The following RIMBP2 variants were observed in gnomAD, a reference collection of about 807,000 sequenced individuals.
RIMBP2 encodes RIMS-binding protein 2.
In RIMBP2, 48 loss-of-function variants were observed where a neutral mutation model predicts 118.6. The ratio of observed to expected loss-of-function variants is 0.40; its 90% CI spans 0.32 to 0.51. The LOEUF (loss-of-function observed/expected upper bound fraction) is 0.51, where lower values mean the gene tolerates loss of function less well. RIMBP2 is among the 20% of genes least tolerant of loss of function. The pLI is 0.41. For missense variants in RIMBP2, 1,551 were observed against 1,768.3 expected (o/e 0.88, Z 2.20); for synonymous variants, 762 against 742.9 (o/e 1.03, Z -0.42).
intron 9 of RIMBP2, among the ~76,000 whole-genome samples, chr12:130,448,991 G>A (rs538472937): frequency 8.5e-5 from 13 of 152,376 alleles, no homozygotes; most frequent in African/African-American, 2.9e-4. Flanking sequence ...CACCTCCTTT[G>A]CATGAACAGA....
rs1566438910 is a variant in RIMBP2 at position 130,664,407 on chromosome 12, G to GCACGCACACGCACGCACA, written c.-351-35952_-351-35951insTGTGCGTGCGTGTGCGTG. ...CGCGCATGCACACACACGCACGCACGCACGCACACACACGCACACACATGC... is the reference window on the plus strand; with the variant it reads ...CGCGCATGCACACACACGCACGCACGCACGCACACGCACGCACACACGCACACACACGCACACACATGC... On this transcript the variant is annotated intron_variant, in intron 1 of 22. Transcript: ENST00000690449. Among the ~76,000 whole-genome samples, 22 of 86,070 alleles carry GCACGCACACGCACGCACA rather than the reference G, an allele frequency of 2.6e-4. 1 individual carries two copies. Among genetic ancestry groups the GCACGCACACGCACGCACA allele is most frequent in the Non-Finnish European group, 4.2e-4 (15 of 35,860 alleles). The allele number at this position is 86,070 out of a possible 152,430, so 56.5% of individuals were successfully genotyped here.
At chr12:130,438,334 A>AGCC in intron 12 of RIMBP2, 31 bp downstream of exon 12, 1 of 1,344,518 alleles carries the variant, frequency 7.4e-7, no homozygotes, top group Non-Finnish European at 1.1e-6. Flanking sequence ...GGGCCTAACA[A>AGCC]ACCCTCCCCA....
chr12:130,554,350 G>A (rs910764857), intron 2 of RIMBP2, among the ~76,000 whole-genome samples: 3 of 152,202 alleles, frequency 2.0e-5, no homozygotes, highest in Non-Finnish European at 2.9e-5. Flanking sequence ...TGCCCAGGGA[G>A]TGATTAGCAT....
intron 6 of RIMBP2, chr12:130,465,081 C>G (rs922644510): frequency 6.6e-6 from 1 of 152,238 alleles, no homozygotes; most frequent in East Asian, 1.9e-4. Flanking sequence ...GAGGAAGGGA[C>G]GACCCCTAAA....
chr12:130,439,151 ATGTGTGTG>A (rs1361872993), intron 11 of RIMBP2, among the ~76,000 whole-genome samples: 6 of 151,698 alleles, frequency 4.0e-5, no homozygotes, highest in Admixed American at 3.3e-4. Context: ...ATATGTGTGT[ATGTGTGTG>A]TAAATGTGTA....
At chr12:130,580,953 T>G (rs139846165) in intron 2 of RIMBP2, among the ~76,000 whole-genome samples, 364 of 130,048 alleles carry the variant, frequency 2.8e-3, no homozygotes, top group African/African-American at 9.2e-3. Flanking sequence ...GTGTGTTTGT[T>G]TGTGTGTGTG....
intron 1 of RIMBP2, among the ~76,000 whole-genome samples, chr12:130,649,463 G>A (rs2063132955): frequency 6.6e-6 from 1 of 152,180 alleles, no homozygotes; most frequent in Admixed American, 6.5e-5. Context: ...CTCTCCCATT[G>A]GCCAGAACAA....
Position 130,646,373 on chromosome 12 carries a change from A to G in RIMBP2, c.-351-17917T>C, listed in dbSNP as rs1487006719. ...CACCTCCCTCACCACCTCCCTCACC[A>G]CCTCCCTCACCACCTCCCTCACCAC... On this transcript the variant is annotated intron_variant, in intron 1 of 22. Transcript: ENST00000690449. Among the ~76,000 whole-genome samples the G allele has an allele frequency of 1.5e-3, 193 of 128,746 alleles. 77 individuals are homozygous for G. Among genetic ancestry groups the G allele is most frequent in the Admixed American group, 3.4e-3 (44 of 12,884 alleles). The allele number at this position is 128,746 out of a possible 152,430, so 84.5% of individuals were successfully genotyped here. A position where few individuals can be genotyped will look rare whatever the true frequency, so the allele number is the denominator to read the frequency against.
At chr12:130,702,238 C>A (rs2632600) in intron 1 of RIMBP2, among the ~76,000 whole-genome samples, 2 of 151,816 alleles carry the variant, frequency 1.3e-5, no homozygotes, top group African/African-American at 2.4e-5. Flanking sequence ...CATGTGGGAC[C>A]GGGCACAGTG....
chr12:130,632,113 C>T (rs1333847094), intron 1 of RIMBP2, among the ~76,000 whole-genome samples: 7 of 152,206 alleles, frequency 4.6e-5, no homozygotes, highest in African/African-American at 9.7e-5. Flanking sequence ...CATCGTGGGA[C>T]GATTTCAGCA....
intron 1 of RIMBP2, among the ~76,000 whole-genome samples, chr12:130,671,301 G>T (rs746492210): frequency 6.6e-6 from 1 of 152,194 alleles, no homozygotes; most frequent in Non-Finnish European, 1.5e-5. Context: ...ACTGTCAGAT[G>T]CCGTCATTCC....
intron 1 of RIMBP2, among the ~76,000 whole-genome samples, chr12:130,709,007 C>T (rs1214979457): frequency 6.6e-6 from 1 of 152,266 alleles, no homozygotes; most frequent in East Asian, 1.9e-4. Flanking sequence ...AATGGGTCTA[C>T]ATGAGCAACA....
intron 1 of RIMBP2, among the ~76,000 whole-genome samples, chr12:130,647,099 G>A (rs1007466168): frequency 6.6e-6 from 1 of 152,208 alleles, no homozygotes; most frequent in African/African-American, 2.4e-5. Context: ...GGGAATTCCA[G>A]GCACCTAATT....
At chr12:130,464,731 G>T (rs943828553) in intron 6 of RIMBP2, among the ~76,000 whole-genome samples, 2 of 152,234 alleles carry the variant, frequency 1.3e-5, no homozygotes, top group African/African-American at 2.4e-5. Flanking sequence ...ACCCACCCAG[G>T]TCTCTCTGGC....
chr12:130,424,431 T>C lies in RIMBP2; in HGVS notation c.2840A>G (p.His947Arg). The C allele has an allele frequency of 8.1e-7, 1 of 1,232,682 alleles. No individual in the cohort carries two copies. The allele number at this position is 1,232,682 out of a possible 1,614,324, so 76.4% of individuals were successfully genotyped here. A position where few individuals can be genotyped will look rare whatever the true frequency, so the allele number is the denominator to read the frequency against. The change falls in exon 16 of 23, where the codon CAC becomes CGC. Residue 947 changes from histidine to arginine, a missense_variant. Physicochemically the swap from His to Arg is conservative, Grantham distance 29. This residue lies in a region of RIMBP2 where 1,038 missense variants were observed against 1,125.1 expected (regional missense o/e 0.92). Coordinates refer to ENST00000690449, the MANE Select transcript of RIMBP2 (RefSeq NM_001393629.1). This position sits in a 1 kb window ranked among gnomAD's most constrained non-coding sequence, Gnocchi z 9.8. ...CCTCGGGCCCCTCCTGCAGGGACAG[T>C]GACCAGGGCCTGGGCTGCACGCGGC... ...TVAACSPGPG[H>R]CPCRRGPRPL... is the part of the protein sequence containing the mutation.
intron 2 of RIMBP2, among the ~76,000 whole-genome samples, chr12:130,627,017 C>T (rs1352708018): frequency 6.6e-6 from 1 of 152,014 alleles, no homozygotes; most frequent in African/African-American, 2.4e-5. Flanking sequence ...AAAATCATCA[C>T]CATCTCCTCC....
At chr12:130,484,386 C>T (rs572473172) in intron 4 of RIMBP2, among the ~76,000 whole-genome samples, 29 of 152,360 alleles carry the variant, frequency 1.9e-4, no homozygotes, top group African/African-American at 6.7e-4. Context: ...CTCTCACGTT[C>T]CAGCCTTTGC....
chr12:130,656,999 A>G (rs1255180969), intron 1 of RIMBP2, among the ~76,000 whole-genome samples: 1 of 152,208 alleles, frequency 6.6e-6, no homozygotes, highest in Admixed American at 6.5e-5. Flanking sequence ...GGCTCAAGTG[A>G]TCCTCCTGCC....
intron 3 of RIMBP2, among the ~76,000 whole-genome samples, chr12:130,513,529 C>G (rs890625908): frequency 2.0e-5 from 3 of 151,920 alleles, no homozygotes; most frequent in Admixed American, 6.6e-5. Flanking sequence ...GGAGCTTTAA[C>G]AGGCACCTCC....
Sources: allele counts gnomAD v4.1 joint callset (sites outside exome capture counted in the v4.1 genomes callset), GRCh38; gene constraint gnomAD v4.1.1; regional missense constraint gnomAD v4.1.1; non-coding constraint Gnocchi (gnomAD v3.1); transcripts MANE v1.5; gene names NCBI Gene and HGNC (gene_info 2026-07-23, HGNC 2026-07-21).